Variants in CENPE observed in about 807,000 individuals in gnomAD.
CENPE encodes the protein centromere-associated protein E.
In CENPE, 145 loss-of-function variants were observed where a neutral mutation model predicts 336.1. That is an observed-to-expected ratio of 0.43 (90% confidence interval 0.38 to 0.50). The LOEUF is 0.50. CENPE is among the 20% of genes least tolerant of loss of function. The pLI, the probability that CENPE is intolerant of heterozygous loss-of-function variation, is 0.00. For synonymous variants in CENPE, 1,013 were observed against 984.8 expected, an observed-to-expected ratio of 1.03 and a Z score of -0.54; for missense variants, 2,719 against 3,023.3, an observed-to-expected ratio of 0.90 and a Z score of 2.36.
chr4:103,163,608 C>CAAAAAAAAAAAACAAAAA, intron 16 of CENPE, 55 bp from the exon 17 acceptor site: 1 of 300,222 alleles, frequency 3.3e-6, no homozygotes. Flanking sequence ...TAAAGCAAAG[C>CAAAAAAAAAAAACAAAAA]AAAAAAAAAA....
intron 34 of CENPE, 28 bp from the exon 35 acceptor site, chr4:103,141,936 A>T: frequency 7.2e-7 from 1 of 1,380,250 alleles, no homozygotes; most frequent in Non-Finnish European, 1.0e-6. Flanking sequence ...TTTTAAAAAC[A>T]GTGACATATC....
intron 16 of CENPE, 78 bp downstream of exon 16, chr4:103,174,658 G>A: frequency 9.5e-7 from 1 of 1,057,696 alleles, no homozygotes; most frequent in Non-Finnish European, 1.3e-6. Context: ...AATTAAAAAA[G>A]CTTACATTAT....
chr4:103,112,640 GGA>G (rs1560587794), intron 46 of CENPE, among the ~76,000 whole-genome samples: 1 of 125,814 alleles, frequency 7.9e-6, no homozygotes, highest in African/African-American at 3.5e-5. Context: ...ATATATAAGT[GGA>G]TATATACTTA....
chr4:103,122,445 T>C (rs970135405), intron 43 of CENPE, among the ~76,000 whole-genome samples: 4 of 152,218 alleles, frequency 2.6e-5, no homozygotes, highest in Non-Finnish European at 5.9e-5. Context: ...TATATTTTTA[T>C]TGTGATTATA....
intron 28 of CENPE, among the ~76,000 whole-genome samples, 169 bp downstream of exon 28, chr4:103,148,675 C>T (rs1280113067): frequency 1.3e-5 from 2 of 152,168 alleles, no homozygotes; most frequent in African/African-American, 4.8e-5. Flanking sequence ...CCACCTTGTT[C>T]TCATTGCATT....
At chr4:103,154,938 C>T (rs924133206) in intron 24 of CENPE, among the ~76,000 whole-genome samples, 6 of 152,108 alleles carry the variant, frequency 3.9e-5, no homozygotes, top group Admixed American at 3.9e-4. Flanking sequence ...CTCTCTGGTG[C>T]CTAGATGAAC....
Position 103,145,337 on chromosome 4 carries a change from T to C in CENPE, c.4573-3A>G, listed in dbSNP as rs758947005. ...TCTTTCTCATAAATCTCTTGGATCT[T>C]AAACATAATTATAAAATAAGTTAAT... On this transcript the variant is annotated splice_polypyrimidine_tract_variant and splice_region_variant and intron_variant, in intron 31 of 48. Coordinates refer to ENST00000265148, the MANE Select transcript of CENPE (RefSeq NM_001813.3). The C allele has an allele frequency of 4.0e-6, 6 of 1,493,168 alleles. No individual in the cohort carries two copies. Among genetic ancestry groups the C allele is most frequent in the Admixed American group, 1.9e-5 (1 of 53,474 alleles). 92.5% of individuals were successfully genotyped at this position (1,493,168 alleles called of 1,614,324 possible). A position where few individuals can be genotyped will look rare whatever the true frequency, so the allele number is the denominator to read the frequency against.
chr4:103,125,144 C>G (rs1441175775), intron 42 of CENPE, among the ~76,000 whole-genome samples: 1 of 152,152 alleles, frequency 6.6e-6, no homozygotes, highest in African/African-American at 2.4e-5. Context: ...ATGAACTTTC[C>G]AAGCGAAAAC....
chr4:103,160,753 C>T lies in CENPE; in HGVS notation c.2158G>A (p.Gly720Arg). ...KDLLCNLELE[G>R]KITDLQKELN... ...TCTTTCTGAAGATCAGTAATCTTTC[C>T]TTCCAATTCCAAATTACAGAGCAAA... The change falls in exon 21 of 49, where the codon GGA (glycine) becomes AGA (arginine). Residue 720 changes from glycine to arginine, a missense_variant. By Grantham distance (125) the Gly-to-Arg change is moderately radical. Coordinates refer to ENST00000265148, the MANE Select transcript of CENPE (RefSeq NM_001813.3). 2 of 1,600,598 alleles carry T rather than the reference C, an allele frequency of 1.2e-6. No individual in the cohort carries two copies. The highest frequency in any genetic ancestry group is 1.7e-5 in the Admixed American group (1 of 57,750).
Position 103,160,738 on chromosome 4 carries a change from G to A in CENPE, c.2173C>T (p.Leu725Phe). ...ACTTCTTTATTTAGTTCTTTCTGAA[G>A]ATCAGTAATCTTTCCTTCCAATTCC... Reference protein sequence around the residue: ...NLELEGKITDLQKELNKEVEE... With the variant: ...NLELEGKITDFQKELNKEVEE... The change falls in exon 21 of 49, where the codon CTT becomes TTT. Residue 725 changes from leucine (L) to phenylalanine (F), a missense_variant. Coordinates refer to ENST00000265148, the MANE Select transcript of CENPE (RefSeq NM_001813.3). The A allele has an allele frequency of 2.5e-6, 4 of 1,608,126 alleles. No individual in the cohort carries two copies. The highest frequency in any genetic ancestry group is 2.5e-6 in the Non-Finnish European group (3 of 1,177,082).
intron 16 of CENPE, among the ~76,000 whole-genome samples, chr4:103,166,985 T>C (rs1280297831): frequency 6.6e-6 from 1 of 152,200 alleles, no homozygotes; most frequent in African/African-American, 2.4e-5. Flanking sequence ...TGTAGCCTAA[T>C]ATTTTATACT....
Position 103,159,051 on chromosome 4 carries a change from C to A in CENPE, c.2560G>T (p.Ala854Ser). The change falls in exon 22 of 49, where the codon GCC becomes TCC. Residue 854 changes from alanine to serine, a missense_variant. Physicochemically the swap from Ala to Ser is moderately conservative, Grantham distance 99. Coordinates refer to ENST00000265148, the MANE Select transcript of CENPE (RefSeq NM_001813.3). ...NQEIVNLSKEAQKFDSSLGAL... is the reference protein window; with the variant it reads ...NQEIVNLSKESQKFDSSLGAL... ...CCCAAACTCGAATCAAATTTTTGGG[C>A]TTCTTTAGAGAGATTAACTATTTCC... The A allele has an allele frequency of 6.5e-7, 1 of 1,536,642 alleles. No homozygotes were observed. The highest frequency in any genetic ancestry group is 2.2e-5 in the Admixed American group (1 of 44,660).
chr4:103,133,325 C>T (rs1010603992), intron 41 of CENPE, among the ~76,000 whole-genome samples: 1 of 152,278 alleles, frequency 6.6e-6, no homozygotes, highest in Non-Finnish European at 1.5e-5. Flanking sequence ...GAATTACAGG[C>T]ATGCCACTGG....
chr4:103,132,913 C>CAAATGTTTAAACAAT lies in CENPE; in HGVS notation c.6721-18_6721-17insATTGTTTAAACATTT. On this transcript the variant is annotated splice_polypyrimidine_tract_variant and intron_variant, in intron 41 of 48. Transcript: ENST00000265148. ...GAGAATTTCCTGTGTGAAAAATAAG[C>CAAATGTTTAAACAAT]GTCAAATTGTTTAAACATTAGGAAA... is the stretch of plus-strand genomic sequence containing the variant. 2 of 1,156,916 alleles carry CAAATGTTTAAACAAT rather than the reference C, an allele frequency of 1.7e-6. No individual in the cohort carries two copies. The highest frequency in any genetic ancestry group is 2.3e-6 in the Non-Finnish European group (2 of 870,206). 71.7% of individuals were successfully genotyped at this position (1,156,916 alleles called of 1,614,324 possible).
intron 15 of CENPE, among the ~76,000 whole-genome samples, chr4:103,175,670 C>G (rs1186529213): frequency 4.6e-5 from 7 of 152,014 alleles, no homozygotes; most frequent in Non-Finnish European, 1.0e-4. Context: ...TCTTGTTACC[C>G]TAATGAAGTT....
At chr4:103,162,246 T>C (rs865811859) in intron 18 of CENPE, among the ~76,000 whole-genome samples, 5 of 151,620 alleles carry the variant, frequency 3.3e-5, no homozygotes, top group Non-Finnish European at 5.9e-5. Context: ...TAACAAAAAC[T>C]AAAAAACTCA....
intron 12 of CENPE, 27 bp downstream of exon 12, chr4:103,181,310 T>C: frequency 6.9e-7 from 1 of 1,442,798 alleles, no homozygotes; most frequent in Non-Finnish European, 9.3e-7. Flanking sequence ...TTCTTTCAAT[T>C]TAATGAAATA....
At chr4:103,121,947 C>T (rs946654177) in intron 43 of CENPE, among the ~76,000 whole-genome samples, 2 of 152,032 alleles carry the variant, frequency 1.3e-5, no homozygotes, top group Admixed American at 6.6e-5. Flanking sequence ...TATTTCTGAA[C>T]CCTCTATTCT....
At chr4:103,156,496 C>A (rs1753966963) in intron 24 of CENPE, among the ~76,000 whole-genome samples, 1 of 152,010 alleles carries the variant, frequency 6.6e-6, no homozygotes, top group Non-Finnish European at 1.5e-5. Context: ...ATGATCTTTT[C>A]AAAAAATGGT....
Sources: allele counts gnomAD v4.1 joint callset (sites outside exome capture counted in the v4.1 genomes callset), GRCh38; gene constraint gnomAD v4.1.1; transcripts MANE v1.5; gene names NCBI Gene and HGNC (gene_info 2026-07-23, HGNC 2026-07-21).